EEA1: variants seen among roughly 807,000 people sequenced by gnomAD.
The protein encoded by EEA1 is early endosome antigen 1, also known as early endosome antigen 1, 162kD.
EEA1 carries 111 observed loss-of-function variants against 209.2 expected under a neutral mutation model. The observed-to-expected ratio is 0.53, with a 90% CI of 0.45 to 0.62. EEA1 has a LOEUF of 0.62. EEA1 is among the 20% of genes least tolerant of loss of function. The pLI is 0.00. For synonymous variants in EEA1, 536 were observed against 540.6 expected (o/e 0.99, Z 0.12); for missense variants, 1,343 against 1,530.8 (o/e 0.88, Z 2.05).
intron 2 of EEA1, among the ~76,000 whole-genome samples, chr12:92,881,562 T>C (rs1729219705): frequency 6.6e-6 from 1 of 152,062 alleles, no homozygotes; most frequent in Admixed American, 6.5e-5. Context: ...CAAGAAAGAC[T>C]GCGTTATTAG....
intron 10 of EEA1, among the ~76,000 whole-genome samples, chr12:92,833,427 T>G (rs1418269025): frequency 6.6e-6 from 1 of 152,156 alleles, no homozygotes; most frequent in East Asian, 1.9e-4. Flanking sequence ...TGCCTTAAAT[T>G]TTGTCATTTT....
chr12:92,801,801 A>C (rs1874927308), intron 19 of EEA1, 100 bp from the exon 20 acceptor site: 1 of 733,322 alleles, frequency 1.4e-6, no homozygotes. Context: ...GAAATAAACT[A>C]AAATTATGAT....
intron 2 of EEA1, among the ~76,000 whole-genome samples, chr12:92,875,604 C>A (rs908559952): frequency 6.6e-6 from 1 of 152,102 alleles, no homozygotes; most frequent in African/African-American, 2.4e-5. Context: ...TTTGCTCCTA[C>A]CCTCACCCCA....
intron 1 of EEA1, among the ~76,000 whole-genome samples, chr12:92,916,465 C>T (rs961632082): frequency 2.0e-5 from 3 of 150,694 alleles, no homozygotes; most frequent in Admixed American, 1.3e-4. Context: ...CCAGCCTGAT[C>T]GAAATAGTGA....
intron 1 of EEA1, among the ~76,000 whole-genome samples, chr12:92,914,960 G>A (rs960401710): frequency 6.6e-6 from 1 of 152,062 alleles, no homozygotes; most frequent in Non-Finnish European, 1.5e-5. Context: ...CACCGCACCT[G>A]GCCAAGCTTT....
chr12:92,853,785 C>A, intron 6 of EEA1, 130 bp downstream of exon 6: 1 of 629,246 alleles, frequency 1.6e-6, no homozygotes. Flanking sequence ...TGACCATTAT[C>A]TTCACTGTTT....
At chr12:92,845,750 T>C (rs1346007960) in intron 9 of EEA1, among the ~76,000 whole-genome samples, 1 of 152,200 alleles carries the variant, frequency 6.6e-6, no homozygotes, top group Non-Finnish European at 1.5e-5. Context: ...AGTCTGTTGT[T>C]TGATTTCCAC....
intron 9 of EEA1, among the ~76,000 whole-genome samples, chr12:92,848,952 G>GACTGAAGC (rs1023183898): frequency 6.6e-6 from 1 of 151,916 alleles, no homozygotes; most frequent in Non-Finnish European, 1.5e-5. Context: ...TAAACTCCTG[G>GACTGAAGC]ACTGAAGCAA....
At chr12:92,850,979 T>G in intron 9 of EEA1, 132 bp downstream of exon 9, 1 of 832,862 alleles carries the variant, frequency 1.2e-6, no homozygotes, top group East Asian at 2.7e-5. Flanking sequence ...CAAATATTAT[T>G]CAGATCAAAA....
At position 92,780,287 on chromosome 12, in the gene EEA1, C is replaced by T; in HGVS notation, c.3461G>A (p.Ser1154Asn). 6.3e-7 allele frequency: 1 copy of T among 1,595,370 alleles called. No homozygotes were observed. The change falls in exon 24 of 29, where the codon AGC becomes AAC. Residue 1154 changes from serine (S) to asparagine (N), a missense_variant. Physicochemically the swap from Ser to Asn is conservative, Grantham distance 46. This residue lies in a region of EEA1 where 1,307 missense variants were observed against 1,465.5 expected (regional missense o/e 0.89). Coordinates refer to ENST00000322349, the MANE Select transcript of EEA1 (RefSeq NM_003566.4). Reference protein sequence around the residue: ...NEELKSHKLESIKEITNLKDA... With the variant: ...NEELKSHKLENIKEITNLKDA... ...ATGATTATCTTAACATACCTTTATG[C>T]TTTCTAGTTTGTGGGACTTGAGTTC...
intron 26 of EEA1, 123 bp downstream of exon 26, chr12:92,777,814 CTACT>C: frequency 1.6e-6 from 2 of 1,228,226 alleles, no homozygotes; most frequent in Non-Finnish European, 2.2e-6. Context: ...TTTTAAATGG[CTACT>C]TAAATACCTA....
intron 11 of EEA1, 120 bp from the exon 12 acceptor site, chr12:92,828,181 T>C (rs932798435): frequency 4.0e-6 from 3 of 754,300 alleles, no homozygotes; most frequent in African/African-American, 3.6e-5. Flanking sequence ...ATTTTCGTGA[T>C]ACTTTGGGGA....
At chr12:92,860,910 AGAG>A (rs74735642) in intron 3 of EEA1, among the ~76,000 whole-genome samples, 98 of 150,628 alleles carry the variant, frequency 6.5e-4, no homozygotes, top group African/African-American at 2.2e-3. Flanking sequence ...ACAAAGAAGA[AGAG>A]GAGGAGGAGG....
rs1312626607 is a variant in EEA1, at chr12:92,811,388, A to G, written c.2090T>C (p.Leu697Ser). 4 of 1,603,218 alleles carry G rather than the reference A, an allele frequency of 2.5e-6. No individual in the cohort carries two copies. The highest frequency in any genetic ancestry group is 3.4e-6 in the Non-Finnish European group (4 of 1,175,722). Residue 697 changes from leucine to serine, a missense_variant, in exon 17 of 29, where the codon TTA (leucine) becomes TCA (serine). Physicochemically the swap from Leu to Ser is moderately radical, Grantham distance 145. Coordinates refer to ENST00000322349, the MANE Select transcript of EEA1 (RefSeq NM_003566.4). ...ACTGCAATGTTCTTGCTTGTCTTGT[A>G]ACTTTGCAGTGACCTGATCCAACTG... ...TTQLDQVTAKLQDKQEHCSQL... is the reference protein window; with the variant it reads ...TTQLDQVTAKSQDKQEHCSQL...
chr12:92,923,972 G>A (rs1203350583), intron 1 of EEA1, among the ~76,000 whole-genome samples: 1 of 152,008 alleles, frequency 6.6e-6, no homozygotes, highest in African/African-American at 2.4e-5. Flanking sequence ...TCAGCCAGGT[G>A]TGGTAGTTCA....
chr12:92,812,885 G>A, intron 16 of EEA1, 95 bp downstream of exon 16: 1 of 808,092 alleles, frequency 1.2e-6, no homozygotes, highest in Non-Finnish European at 1.8e-6. Context: ...TCTATCACAA[G>A]ATTATACAAA....
At chr12:92,833,094 A>T (rs962846631) in intron 10 of EEA1, among the ~76,000 whole-genome samples, 2 of 151,256 alleles carry the variant, frequency 1.3e-5, no homozygotes, top group Non-Finnish European at 3.0e-5. Context: ...TGTTGACATA[A>T]AAAAAAAATA....
intron 16 of EEA1, among the ~76,000 whole-genome samples, chr12:92,812,131 A>C (rs1875548743): frequency 6.6e-6 from 1 of 152,112 alleles, no homozygotes; most frequent in Non-Finnish European, 1.5e-5. Flanking sequence ...GGAGTTTGAG[A>C]CCAGCCTGAC....
Position 92,857,442 on chromosome 12 carries a change from C to G in EEA1, c.289G>C (p.Ala97Pro), listed in dbSNP as rs750025978. Residue 97 changes from alanine (A) to proline (P), a missense_variant, in exon 4 of 29, where the codon GCT becomes CCT. Coordinates refer to ENST00000322349, the MANE Select transcript of EEA1 (RefSeq NM_003566.4). ...LLRQEVQDLQ[A>P]SLKEEKWYSE... ...ATTTTTATTCTTACCTTAAGTGAAG[C>G]CTGTAGGTCTTGGACCTCTTGTCTG... 2 of 1,597,888 alleles carry G rather than the reference C, an allele frequency of 1.3e-6. No individual in the cohort carries two copies. The highest frequency in any genetic ancestry group is 1.7e-6 in the Non-Finnish European group (2 of 1,174,408).
Sources: gnomAD v4.1 joint callset for allele counts (sites outside exome capture counted in the v4.1 genomes callset) on GRCh38, gnomAD v4.1.1 for gene constraint, gnomAD v4.1.1 regional missense constraint, MANE v1.5 for transcripts, NCBI Gene and HGNC (gene_info 2026-07-23, HGNC 2026-07-21) for gene names.